GRID2: variants seen among roughly 807,000 people sequenced by gnomAD.
The protein encoded by GRID2 is glutamate ionotropic receptor delta type subunit 2.
In GRID2, 33 loss-of-function variants were observed where a neutral mutation model predicts 114.8. The ratio of observed to expected loss-of-function variants is 0.29; its 90% CI spans 0.22 to 0.38. The LOEUF is 0.38. GRID2 is among the 10% of genes least tolerant of loss of function. The pLI is 1.00. For synonymous variants in GRID2, 505 were observed against 449.9 expected (o/e 1.12, Z -1.55); for missense variants, 1,184 against 1,257.7 (o/e 0.94, Z 0.89).
intron 1 of GRID2, among the ~76,000 whole-genome samples, chr4:92,542,642 G>A (rs564346840): frequency 2.6e-5 from 4 of 151,746 alleles, no homozygotes; most frequent in Non-Finnish European, 5.9e-5. Flanking sequence ...AGGGTGGAAG[G>A]GAGGTGAGGG....
intron 2 of GRID2, among the ~76,000 whole-genome samples, chr4:92,639,034 T>C (rs17019735): frequency 0.014 from 2,048 of 151,510 alleles, 51 homozygotes; most frequent in African/African-American, 0.046. Flanking sequence ...GCTTCAGTAT[T>C]ATTTTATAAT....
intron 2 of GRID2, among the ~76,000 whole-genome samples, chr4:92,645,016 G>T (rs561375216): frequency 1.3e-5 from 2 of 150,998 alleles, no homozygotes; most frequent in Non-Finnish European, 3.0e-5. Context: ...AAATATTTTA[G>T]ATCTAGCTTC....
chr4:92,618,053 C>T (rs930615784), intron 2 of GRID2, among the ~76,000 whole-genome samples: 4 of 151,320 alleles, frequency 2.6e-5, no homozygotes, highest in African/African-American at 4.8e-5. Flanking sequence ...GTGTTGTTGC[C>T]GGCGTTTTGA....
chr4:92,516,777 C>T (rs1467899845), intron 1 of GRID2, among the ~76,000 whole-genome samples: 2 of 151,868 alleles, frequency 1.3e-5, no homozygotes, highest in African/African-American at 2.4e-5. Flanking sequence ...CCCAATGTCC[C>T]TTCTTAGCTC....
intron 12 of GRID2, among the ~76,000 whole-genome samples, chr4:93,494,762 G>A (rs1162351388): frequency 6.6e-6 from 1 of 151,728 alleles, no homozygotes; most frequent in East Asian, 1.9e-4. Context: ...TTCCCATTGA[G>A]AGGTAACAAC....
At chr4:92,451,224 A>C (rs1347199866) in intron 1 of GRID2, among the ~76,000 whole-genome samples, 1 of 152,152 alleles carries the variant, frequency 6.6e-6, no homozygotes, top group South Asian at 2.1e-4. Context: ...GTGCCCACAG[A>C]TAATTGGAGA....
At chr4:92,896,263 C>T (rs1447802472) in intron 2 of GRID2, among the ~76,000 whole-genome samples, 3 of 152,118 alleles carry the variant, frequency 2.0e-5, no homozygotes, top group Non-Finnish European at 4.4e-5. Context: ...CCAGGTGTTC[C>T]CCTCTGGGGT....
chr4:92,966,026 A>G (rs1753132871), intron 2 of GRID2, among the ~76,000 whole-genome samples: 1 of 151,930 alleles, frequency 6.6e-6, no homozygotes. Context: ...TAAACTTGCC[A>G]GATTATGTGG....
At chr4:93,032,475 G>A (rs1042802489) in intron 2 of GRID2, among the ~76,000 whole-genome samples, 1 of 152,010 alleles carries the variant, frequency 6.6e-6, no homozygotes, top group Non-Finnish European at 1.5e-5. Context: ...CAACCTAAAA[G>A]CATCTTTACA....
At chr4:92,656,251 G>GGT (rs1732228795) in intron 2 of GRID2, among the ~76,000 whole-genome samples, 1 of 151,588 alleles carries the variant, frequency 6.6e-6, no homozygotes, top group African/African-American at 2.4e-5. Flanking sequence ...CAAGGTATGA[G>GGT]GTGATATCTT....
intron 3 of GRID2, among the ~76,000 whole-genome samples, chr4:93,108,776 G>A (rs1732493004): frequency 6.6e-6 from 1 of 151,800 alleles, no homozygotes; most frequent in African/African-American, 2.4e-5. Flanking sequence ...GACTACAGGC[G>A]TGTGCCACCA....
At chr4:92,631,242 G>A (rs1730796975) in intron 2 of GRID2, among the ~76,000 whole-genome samples, 1 of 151,948 alleles carries the variant, frequency 6.6e-6, no homozygotes, top group African/African-American at 2.4e-5. Flanking sequence ...CAGAAGGAAG[G>A]GTAGAAAGTA....
At chr4:93,060,773 C>A (rs186903643) in intron 2 of GRID2, among the ~76,000 whole-genome samples, 98 of 152,128 alleles carry the variant, frequency 6.4e-4, no homozygotes, top group Admixed American at 2.9e-3. Flanking sequence ...AATTTAAATG[C>A]AAGTTTGAAA....
chr4:93,310,074 C>A lies in GRID2; in HGVS notation c.1245+71584C>A, dbSNP rs972984804. Among the ~76,000 whole-genome samples, 7 of 152,228 alleles carry A rather than the reference C, an allele frequency of 4.6e-5. No individual in the cohort carries two copies. The East Asian group carries it at 9.6e-4, about 21-fold the overall frequency. On this transcript the variant is annotated intron_variant, in intron 8 of 15. Transcript: ENST00000282020. ...AAGGGGGTAATGAGAGATTTTGATA[C>A]AACAAGCATTATCAGTTTTATCTTG...
intron 10 of GRID2, among the ~76,000 whole-genome samples, chr4:93,454,258 C>G (rs115757461): frequency 0.018 from 2,700 of 151,952 alleles, 68 homozygotes; most frequent in African/African-American, 0.062. Flanking sequence ...AAAAAATTTC[C>G]TAGAACCAAT....
chr4:93,099,121 A>G (rs1446566162), intron 3 of GRID2, among the ~76,000 whole-genome samples: 2 of 151,580 alleles, frequency 1.3e-5, no homozygotes, highest in African/African-American at 2.4e-5. Flanking sequence ...GGTCAAGTAT[A>G]TGGAGGGCTC....
intron 1 of GRID2, among the ~76,000 whole-genome samples, chr4:92,555,263 G>T (rs1726795661): frequency 6.6e-6 from 1 of 152,136 alleles, no homozygotes; most frequent in South Asian, 2.1e-4. Flanking sequence ...TAGCATTTGT[G>T]TTGAAGTAAA....
chr4:92,967,808 T>A (rs1390199434), intron 2 of GRID2, among the ~76,000 whole-genome samples: 2 of 151,894 alleles, frequency 1.3e-5, no homozygotes, highest in Non-Finnish European at 2.9e-5. Context: ...ATTGGATAGC[T>A]CCAACAAAAC....
At chr4:92,963,418 A>G (rs1360837243) in intron 2 of GRID2, among the ~76,000 whole-genome samples, 4 of 152,030 alleles carry the variant, frequency 2.6e-5, no homozygotes, top group South Asian at 4.1e-4. Flanking sequence ...TGTCATTTCA[A>G]CAAGGTCCAT....
Sources: allele counts gnomAD v4.1 joint callset (sites outside exome capture counted in the v4.1 genomes callset), GRCh38; gene constraint gnomAD v4.1.1; transcripts MANE v1.5; gene names NCBI Gene and HGNC (gene_info 2026-07-23, HGNC 2026-07-21).